SPAG16: variants seen among roughly 807,000 people sequenced by gnomAD.
SPAG16 encodes sperm associated antigen 16.
A neutral mutation model predicts 80.4 loss-of-function variants in SPAG16; 86 were observed. That is an observed-to-expected ratio of 1.07 (90% CI 0.90 to 1.28). The LOEUF (loss-of-function observed/expected upper bound fraction) is 1.28, where lower values mean the gene tolerates loss of function less well. SPAG16 is among the 50% of genes most tolerant of loss of function. The pLI, the probability that SPAG16 is intolerant of heterozygous loss-of-function variation, is 0.00. For synonymous variants in SPAG16, 294 were observed against 265.9 expected (o/e 1.11, Z -1.03); for missense variants, 870 against 765.3 (o/e 1.14, Z -1.61).
At chr2:213,904,397 C>T (rs925895574) in intron 11 of SPAG16, among the ~76,000 whole-genome samples, 54 of 151,876 alleles carry the variant, frequency 3.6e-4, no homozygotes, top group African/African-American at 9.7e-4. Context: ...GATGCAAAAG[C>T]GGAAACCCAT....
chr2:214,261,246 C>G (rs1363984630), intron 15 of SPAG16, among the ~76,000 whole-genome samples: 1 of 150,870 alleles, frequency 6.6e-6, no homozygotes, highest in African/African-American at 2.4e-5. Context: ...TCTTTCCTTT[C>G]TCCACCAGCC....
chr2:214,208,291 A>T (rs2058200771), intron 15 of SPAG16, among the ~76,000 whole-genome samples: 1 of 152,126 alleles, frequency 6.6e-6, no homozygotes, highest in Non-Finnish European at 1.5e-5. Context: ...GAGAAATCTC[A>T]AATTTCTCTA....
At chr2:214,135,367 T>A (rs2054992599) in intron 14 of SPAG16, among the ~76,000 whole-genome samples, 1 of 152,212 alleles carries the variant, frequency 6.6e-6, no homozygotes, top group Non-Finnish European at 1.5e-5. Flanking sequence ...TGATTTGTTC[T>A]TTGTTAATAC....
At chr2:213,976,615 A>G (rs142330269) in intron 12 of SPAG16, among the ~76,000 whole-genome samples, 1,708 of 152,136 alleles carry the variant, frequency 0.011, 18 homozygotes, top group Non-Finnish European at 0.019. Context: ...TGCTGGAGTC[A>G]GGAGAGGTAT....
At chr2:213,423,975 T>C (rs1383291383) in intron 9 of SPAG16, among the ~76,000 whole-genome samples, 1 of 152,200 alleles carries the variant, frequency 6.6e-6, no homozygotes, top group Non-Finnish European at 1.5e-5. Context: ...CCTACATTCA[T>C]AGTTGGCTGT....
intron 10 of SPAG16, among the ~76,000 whole-genome samples, chr2:213,836,079 C>T (rs75689127): frequency 0.037 from 5,597 of 151,898 alleles, 126 homozygotes; most frequent in East Asian, 0.071. Flanking sequence ...TGTCACTAAC[C>T]GTATCTAGAA....
At chr2:214,386,247 C>T (rs556811540) in intron 15 of SPAG16, among the ~76,000 whole-genome samples, 3 of 151,886 alleles carry the variant, frequency 2.0e-5, no homozygotes, top group East Asian at 3.9e-4. Flanking sequence ...TGGTGGCATT[C>T]GCCTGTAATC....
rs112774153 is a variant in SPAG16 at position 214,318,532 on chromosome 2, C to T, written c.1721-91608C>T. 3.0e-3 allele frequency among the ~76,000 whole-genome samples: 456 copies of T among 152,024 alleles called. 5 individuals carry two copies. Among genetic ancestry groups the T allele is most frequent in the Middle Eastern group, 0.01 (3 of 294 alleles). On this transcript the variant is annotated intron_variant, in intron 15 of 15. Coordinates refer to ENST00000331683, the MANE Select transcript of SPAG16 (RefSeq NM_024532.5). ...GAGTAGCTAGGATTGCAGGTGTGCA[C>T]CACCATGCCTGGCTAGTTTTTTGTA... is the stretch of plus-strand genomic sequence containing the variant.
At chr2:213,928,904 TACACAC>T (rs71063798) in intron 11 of SPAG16, among the ~76,000 whole-genome samples, 79,911 of 142,736 alleles carry the variant, frequency 0.56, 22,904 homozygotes, top group East Asian at 0.74. Context: ...CAGCTGATGT[TACACAC>T]ACACACACAC....
At chr2:213,836,393 A>C (rs1299470476) in intron 10 of SPAG16, among the ~76,000 whole-genome samples, 1 of 152,074 alleles carries the variant, frequency 6.6e-6, no homozygotes, top group African/African-American at 2.4e-5. Flanking sequence ...GGTATTGACA[A>C]ATTTTCAATT....
At chr2:214,229,398 A>T (rs1183624774) in intron 15 of SPAG16, among the ~76,000 whole-genome samples, 1 of 151,764 alleles carries the variant, frequency 6.6e-6, no homozygotes, top group Non-Finnish European at 1.5e-5. Context: ...TTATCCTGCC[A>T]TTTGTTATCT....
chr2:214,162,897 T>C (rs543843228), intron 15 of SPAG16, among the ~76,000 whole-genome samples: 1 of 152,230 alleles, frequency 6.6e-6, no homozygotes, highest in East Asian at 1.9e-4. Flanking sequence ...TCTATGCAAA[T>C]ATAGACAATT....
intron 8 of SPAG16, among the ~76,000 whole-genome samples, chr2:213,370,225 A>G (rs1182189529): frequency 1.3e-5 from 2 of 152,202 alleles, no homozygotes; most frequent in African/African-American, 4.8e-5. Flanking sequence ...TGGATCCTAC[A>G]ATAATAAAAA....
intron 6 of SPAG16, among the ~76,000 whole-genome samples, chr2:213,347,655 T>C (rs2065074137): frequency 6.6e-6 from 1 of 152,222 alleles, no homozygotes; most frequent in African/African-American, 2.4e-5. Flanking sequence ...CCAGTAGTCA[T>C]TCAGGAGCAG....
intron 15 of SPAG16, among the ~76,000 whole-genome samples, chr2:214,395,450 C>T (rs1701311408): frequency 6.6e-6 from 1 of 152,032 alleles, no homozygotes; most frequent in African/African-American, 2.4e-5. Flanking sequence ...GATGTTAAGC[C>T]TCTTTTCATA....
chr2:213,320,559 C>T (rs1019871053), intron 5 of SPAG16, among the ~76,000 whole-genome samples: 3 of 151,966 alleles, frequency 2.0e-5, no homozygotes, highest in African/African-American at 4.8e-5. Context: ...CCCCTTTCCA[C>T]CCAACGTTCC....
At position 214,012,284 on chromosome 2, in the gene SPAG16, A is replaced by ATTTTTTTTTT. The variant is rs1483720818; in HGVS notation, c.1401-1666_1401-1665insTTTTTTTTTT. 7.1e-4 allele frequency among the ~76,000 whole-genome samples: 39 copies of ATTTTTTTTTT among 54,592 alleles called. 2 individuals are homozygous for ATTTTTTTTTT. Among genetic ancestry groups the ATTTTTTTTTT allele is most frequent in the African/African-American group, 1.3e-3 (11 of 8,716 alleles). 35.8% of individuals were successfully genotyped at this position (54,592 alleles called of 152,430 possible). On this transcript the variant is annotated intron_variant, in intron 12 of 15. Transcript: ENST00000331683. ...CATATATATATATATATATATATAT[A>ATTTTTTTTTT]TATATTTTTTTTTTTTTTTTTTTTT...
At chr2:214,353,932 C>T (rs1698590534) in intron 15 of SPAG16, among the ~76,000 whole-genome samples, 1 of 151,972 alleles carries the variant, frequency 6.6e-6, no homozygotes, top group Non-Finnish European at 1.5e-5. Flanking sequence ...GCTGTAGAAA[C>T]CAATTGTCTT....
chr2:213,436,793 G>A (rs540979086), intron 9 of SPAG16, among the ~76,000 whole-genome samples: 1 of 151,826 alleles, frequency 6.6e-6, no homozygotes, highest in African/African-American at 2.4e-5. Context: ...CTCTTTTATG[G>A]GAACATTTGC....
Sources: allele counts gnomAD v4.1 joint callset (sites outside exome capture counted in the v4.1 genomes callset), GRCh38; gene constraint gnomAD v4.1.1; transcripts MANE v1.5; gene names NCBI Gene and HGNC (gene_info 2026-07-23, HGNC 2026-07-21).